Variants in SNTB1 observed in about 807,000 individuals in gnomAD.
SNTB1 encodes beta-1-syntrophin.
A neutral mutation model predicts 48.9 loss-of-function variants in SNTB1; 36 were observed. That is an observed-to-expected ratio of 0.74 (90% CI 0.56 to 0.97). The LOEUF (loss-of-function observed/expected upper bound fraction) is 0.97. Ranked by LOEUF, SNTB1 falls within the 50% of genes least tolerant of loss-of-function variation. The pLI is 0.00. For synonymous variants in SNTB1, 299 were observed against 294.6 expected (o/e 1.01, Z -0.15); for missense variants, 786 against 703.4 (o/e 1.12, Z -1.33).
At chr8:120,561,493 T>C (rs896493025) in intron 4 of SNTB1, among the ~76,000 whole-genome samples, 3 of 152,110 alleles carry the variant, frequency 2.0e-5, no homozygotes, top group Non-Finnish European at 4.4e-5. Flanking sequence ...GTCCAACATC[T>C]TGGGAAATTT....
At chr8:120,803,162 G>T (rs1429397778) in intron 1 of SNTB1, among the ~76,000 whole-genome samples, 1 of 152,146 alleles carries the variant, frequency 6.6e-6, no homozygotes, top group Non-Finnish European at 1.5e-5. Context: ...AAAGAATGAT[G>T]CTTCAAACCA....
intron 1 of SNTB1, among the ~76,000 whole-genome samples, chr8:120,703,575 A>G (rs932702711): frequency 5.3e-5 from 8 of 152,242 alleles, no homozygotes; most frequent in African/African-American, 1.9e-4. Flanking sequence ...TCTATCCTGT[A>G]AAATGGAGGT....
In SNTB1 at chr8:120,538,800, C is replaced by T. The variant is rs1815238361; in HGVS notation, c.*77G>A. 1.1e-5 allele frequency: 13 copies of T among 1,196,422 alleles called. No homozygotes were observed. The South Asian group carries it at 1.3e-4, about 12-fold the overall frequency. The allele number at this position is 1,196,422 out of a possible 1,614,324, so 74.1% of individuals were successfully genotyped here. The stretch of plus-strand genomic sequence containing the variant: ...CACGCTACATCTGGTGCGCTGCTCA[C>T]TACAGATGGTGTCTGACATCACGTT... On this transcript the variant is annotated 3_prime_UTR_variant, in exon 7 of 7. Coordinates refer to ENST00000517992, the MANE Select transcript of SNTB1 (RefSeq NM_021021.4).
At chr8:120,727,981 G>A (rs1034616234) in intron 1 of SNTB1, among the ~76,000 whole-genome samples, 5 of 151,982 alleles carry the variant, frequency 3.3e-5, no homozygotes, top group Non-Finnish European at 7.4e-5. Context: ...TTTCCCTCTT[G>A]CACGTTGCCT....
At chr8:120,643,872 A>G (rs1386192149) in intron 2 of SNTB1, among the ~76,000 whole-genome samples, 1 of 152,190 alleles carries the variant, frequency 6.6e-6, no homozygotes, top group Non-Finnish European at 1.5e-5. Flanking sequence ...ACTAGTTTAC[A>G]TTCCCACCAG....
chr8:120,784,884 A>G (rs1007034084), intron 1 of SNTB1, among the ~76,000 whole-genome samples: 5 of 152,214 alleles, frequency 3.3e-5, no homozygotes, highest in African/African-American at 1.2e-4. Flanking sequence ...GAGTCTGCAG[A>G]GTTTAAGGAG....
intron 1 of SNTB1, among the ~76,000 whole-genome samples, chr8:120,748,339 G>A (rs1220095528): frequency 6.6e-6 from 1 of 151,864 alleles, no homozygotes; most frequent in East Asian, 1.9e-4. Context: ...CACATAAATA[G>A]AGATGACAAA....
At chr8:120,723,112 A>G (rs894482041) in intron 1 of SNTB1, among the ~76,000 whole-genome samples, 29 of 152,182 alleles carry the variant, frequency 1.9e-4, no homozygotes, top group African/African-American at 5.3e-4. Flanking sequence ...TTCTGTTCCA[A>G]TGGAGACCAT....
At chr8:120,612,542 C>A (rs1209651817) in intron 3 of SNTB1, among the ~76,000 whole-genome samples, 1 of 152,136 alleles carries the variant, frequency 6.6e-6, no homozygotes, top group Non-Finnish European at 1.5e-5. Context: ...AAGGTAGAGT[C>A]CCCAAATCTG....
chr8:120,542,105 G>T lies in SNTB1; in HGVS notation c.1334-105C>A, dbSNP rs530722774. ...CTCCTCAGTCCCAGCGATCAGCTACGAATTTCTTGCTAAAATAAAAATATA... is the reference window on the plus strand; with the variant it reads ...CTCCTCAGTCCCAGCGATCAGCTACTAATTTCTTGCTAAAATAAAAATATA... On this transcript the variant is annotated intron_variant, in intron 5 of 6. Coordinates refer to ENST00000517992, the MANE Select transcript of SNTB1 (RefSeq NM_021021.4). 1.1e-5 allele frequency: 8 copies of T among 713,238 alleles called. No individual in the cohort carries two copies. In the Admixed American group the frequency reaches 1.7e-4, roughly 16 times the overall value. 44.2% of individuals were successfully genotyped at this position (713,238 alleles called of 1,614,324 possible). A position where few individuals can be genotyped will look rare whatever the true frequency, so the allele number is the denominator to read the frequency against.
At chr8:120,638,415 T>C (rs549171522) in intron 2 of SNTB1, among the ~76,000 whole-genome samples, 1 of 152,222 alleles carries the variant, frequency 6.6e-6, no homozygotes, top group Admixed American at 6.5e-5. Flanking sequence ...TTTCTTTTTT[T>C]ATTATTATAC....
chr8:120,808,288 G>T (rs753642558), intron 1 of SNTB1, among the ~76,000 whole-genome samples: 1 of 152,172 alleles, frequency 6.6e-6, no homozygotes, highest in South Asian at 2.1e-4. Context: ...AATAACAACA[G>T]TACTGGCCTC....
chr8:120,759,675 C>G (rs1460628567), intron 1 of SNTB1, among the ~76,000 whole-genome samples: 1 of 152,172 alleles, frequency 6.6e-6, no homozygotes, highest in African/African-American at 2.4e-5. Context: ...CAAGAAGTTC[C>G]TGTTCTACCA....
intron 1 of SNTB1, among the ~76,000 whole-genome samples, chr8:120,796,804 T>C (rs1413930008): frequency 6.6e-6 from 1 of 152,084 alleles, no homozygotes; most frequent in Non-Finnish European, 1.5e-5. Context: ...GTGTATAGCA[T>C]TTCTATTTGA....
chr8:120,681,942 A>G (rs959153576), intron 2 of SNTB1, among the ~76,000 whole-genome samples: 2 of 152,204 alleles, frequency 1.3e-5, no homozygotes, highest in Admixed American at 6.5e-5. Flanking sequence ...AAAGAACACA[A>G]AGAAAAGTAA....
intron 1 of SNTB1, among the ~76,000 whole-genome samples, chr8:120,714,793 A>T (rs1163629021): frequency 6.6e-6 from 1 of 152,248 alleles, no homozygotes; most frequent in Non-Finnish European, 1.5e-5. Flanking sequence ...AGAGGAAGGT[A>T]TAGAAGAAAG....
At chr8:120,603,851 T>C (rs780814793) in intron 3 of SNTB1, among the ~76,000 whole-genome samples, 1 of 152,204 alleles carries the variant, frequency 6.6e-6, no homozygotes, top group Non-Finnish European at 1.5e-5. Context: ...AAGCTCTTTC[T>C]AATGGAATTG....
At chr8:120,544,316 G>C (rs1260306929) in intron 5 of SNTB1, among the ~76,000 whole-genome samples, 1 of 152,074 alleles carries the variant, frequency 6.6e-6, no homozygotes, top group African/African-American at 2.4e-5. Flanking sequence ...TGGGGTATTT[G>C]TGATCCCATT....
At chr8:120,610,435 T>C (rs1166795486) in intron 3 of SNTB1, among the ~76,000 whole-genome samples, 1 of 152,134 alleles carries the variant, frequency 6.6e-6, no homozygotes, top group Non-Finnish European at 1.5e-5. Context: ...CACCCGGCCC[T>C]GATTTTGAAA....
Sources: allele counts gnomAD v4.1 joint callset (sites outside exome capture counted in the v4.1 genomes callset), GRCh38; gene constraint gnomAD v4.1.1; transcripts MANE v1.5; gene names NCBI Gene and HGNC (gene_info 2026-07-23, HGNC 2026-07-21).